Variants in UBD observed in about 807,000 individuals in gnomAD.
The protein encoded by UBD is ubiquitin like modifier D.
A neutral mutation model predicts 2.3 loss-of-function variants in UBD; 1 was observed. The ratio of observed to expected loss-of-function variants is 0.43; its 90% CI spans 0.15 to 2.06. The LOEUF (loss-of-function observed/expected upper bound fraction) is 2.06. Among genes scored for constraint, UBD ranks in the 30% most tolerant of loss-of-function variants. UBD has a pLI of 0.29. For synonymous variants in UBD, 75 were observed against 76.5 expected, an observed-to-expected ratio of 0.98 and a Z score of 0.10; for missense variants, 175 against 199.3, an observed-to-expected ratio of 0.88 and a Z score of 0.73.
At chr6:29,557,816 T>C (rs1344552833) in intron 1 of UBD, 1 of 152,178 alleles carries the variant, frequency 6.6e-6, no homozygotes, top group Non-Finnish European at 1.5e-5. Flanking sequence ...TTACATTTCG[T>C]TTTTCTGTGC....
At chr6:29,556,604 C>T (rs1184099027) in intron 1 of UBD, 1 of 506,292 alleles carries the variant, frequency 2.0e-6, no homozygotes. Context: ...AAATCCTGAG[C>T]CCCCAACCAA....
chr6:29,559,292 G>A (rs1326771588), intron 1 of UBD, among the ~76,000 whole-genome samples: 1 of 152,146 alleles, frequency 6.6e-6, no homozygotes, highest in Non-Finnish European at 1.5e-5. Context: ...AACAACTTCA[G>A]ATGAATGAGT....
At position 29,555,816 on chromosome 6, in the gene UBD, G is replaced by A. The variant is rs186299606; in HGVS notation, c.*64C>T. The stretch of plus-strand genomic sequence containing the variant: ...TGGGAAATCATCAGAAGATGTGTTC[G>A]TTGAGTAAGAGATTAAAAGAAATAA... On this transcript the variant is annotated 3_prime_UTR_variant, in exon 2 of 2. Coordinates refer to ENST00000377050, the MANE Select transcript of UBD (RefSeq NM_006398.4). 9.0e-5 allele frequency: 118 copies of A among 1,318,430 alleles called. No homozygotes were observed. The highest frequency in any genetic ancestry group is 4.1e-4 in the Admixed American group (22 of 53,446). The allele number at this position is 1,318,430 out of a possible 1,614,324, so 81.7% of individuals were successfully genotyped here.
intron 1 of UBD, 87 bp downstream of exon 1, chr6:29,559,588 A>G (rs2127312025): frequency 6.8e-7 from 1 of 1,463,574 alleles, no homozygotes; most frequent in Non-Finnish European, 9.5e-7. Context: ...AGCCCTGAGT[A>G]CTGCCCAGCC....
intron 1 of UBD, among the ~76,000 whole-genome samples, chr6:29,558,874 G>C (rs1762659992): frequency 6.6e-6 from 1 of 152,218 alleles, no homozygotes; most frequent in Admixed American, 6.5e-5. Flanking sequence ...ATGAGGCCAA[G>C]AACCCCAGGT....
chr6:29,557,350 CT>C (rs1306363763), intron 1 of UBD: 13 of 152,192 alleles, frequency 8.5e-5, no homozygotes, highest in Non-Finnish European at 1.3e-4. Flanking sequence ...GGACAAAAGA[CT>C]GATTTCAGTA....
chr6:29,556,158 T>A lies in UBD; in HGVS notation c.220A>T (p.Ile74Phe), dbSNP rs1355562896. 2 of 1,612,990 alleles carry A rather than the reference T, an allele frequency of 1.2e-6. No homozygotes were observed. Among genetic ancestry groups the A allele is most frequent in the African/African-American group, 2.7e-5 (2 of 74,940 alleles). Residue 74 changes from isoleucine to phenylalanine, a missense_variant, in exon 2 of 2, where the codon ATC (isoleucine) becomes TTC (phenylalanine). By Grantham distance (21) the Ile-to-Phe change is conservative (BLOSUM62 0). Transcript: ENST00000377050. ...SSYGIDKEKT[I>F]HLTLKVVKPS... ...TTCACCACTTTCAGGGTAAGGTGGA[T>A]GGTCTTCTCTTTGTCAATGCCATAA...
intron 1 of UBD, among the ~76,000 whole-genome samples, chr6:29,559,074 C>A (rs1228809067): frequency 6.6e-6 from 1 of 152,196 alleles, no homozygotes; most frequent in Non-Finnish European, 1.5e-5. Context: ...ACTTCAATAG[C>A]TGGAAAATCC....
chr6:29,556,052 G>A lies in UBD; in HGVS notation c.326C>T (p.Ser109Phe). Reference protein sequence around the residue: ...AKRHLLQVRRSSSVAQVKAMI... With the variant: ...AKRHLLQVRRFSSVAQVKAMI... ...TGCTTTCACTTGTGCCACTGAGCTG[G>A]ACCTTCGCACCTGGAGGAGGTGCCT... Residue 109 changes from serine to phenylalanine, a missense_variant, in exon 2 of 2, where the codon TCC becomes TTC. Coordinates refer to ENST00000377050, the MANE Select transcript of UBD (RefSeq NM_006398.4). 6.2e-7 allele frequency: 1 copy of A among 1,613,122 alleles called. No individual in the cohort carries two copies. The highest frequency in any genetic ancestry group is 8.5e-7 in the Non-Finnish European group (1 of 1,180,038).
chr6:29,558,758 G>A (rs781057398), intron 1 of UBD, among the ~76,000 whole-genome samples: 1 of 152,140 alleles, frequency 6.6e-6, no homozygotes, highest in African/African-American at 2.4e-5. Context: ...CTTCCTAATC[G>A]AGCTGAACAC....
At chr6:29,557,470 C>T (rs903645881) in intron 1 of UBD, 1 of 152,208 alleles carries the variant, frequency 6.6e-6, no homozygotes, top group Non-Finnish European at 1.5e-5. Flanking sequence ...ATGTATAAGG[C>T]CTAACTGTAA....
rs1416636044 is a variant in UBD at position 29,556,354 on chromosome 6, G to T, written c.28-4C>A. Reference sequence around the variant, plus strand: ...ATTCCTCGGAACGGACATGCACCTGGGAAGTGAAAGCCACAAGACAGTTAC... The same window carrying T: ...ATTCCTCGGAACGGACATGCACCTGTGAAGTGAAAGCCACAAGACAGTTAC... On this transcript the variant is annotated splice_region_variant and splice_polypyrimidine_tract_variant and intron_variant, in intron 1 of 1. Coordinates refer to ENST00000377050, the MANE Select transcript of UBD (RefSeq NM_006398.4). 1 of 1,606,520 alleles carries T rather than the reference G, an allele frequency of 6.2e-7. No homozygotes were observed. The highest frequency in any genetic ancestry group is 1.3e-5 in the African/African-American group (1 of 74,614).
intron 1 of UBD, among the ~76,000 whole-genome samples, chr6:29,558,936 G>A (rs1304491620): frequency 1.3e-5 from 2 of 152,202 alleles, no homozygotes; most frequent in East Asian, 1.9e-4. Flanking sequence ...GGCCATTTTG[G>A]AAGCAGCCCA....
chr6:29,558,894 C>T (rs1483170208), intron 1 of UBD, among the ~76,000 whole-genome samples: 4 of 152,320 alleles, frequency 2.6e-5, no homozygotes, highest in Non-Finnish European at 4.4e-5. Flanking sequence ...TCAGAGAACA[C>T]GAGGCTTGCC....
chr6:29,558,197 T>C (rs753814307), intron 1 of UBD, among the ~76,000 whole-genome samples: 1 of 152,188 alleles, frequency 6.6e-6, no homozygotes, highest in Non-Finnish European at 1.5e-5. Context: ...ATTTCTTGTG[T>C]TTTTATTTCT....
intron 1 of UBD, chr6:29,557,502 C>A (rs1762583353): frequency 6.6e-6 from 1 of 152,208 alleles, no homozygotes; most frequent in South Asian, 2.1e-4. Context: ...GTTAAGTCTC[C>A]ACTTCAGAGT....
In UBD at chr6:29,559,726, C is replaced by T. The variant is rs1358179762; in HGVS notation, c.-25G>A. 5 of 1,612,760 alleles carry T rather than the reference C, an allele frequency of 3.1e-6. No homozygotes were observed. Among genetic ancestry groups the T allele is most frequent in the East Asian group, 2.2e-5 (1 of 44,894 alleles). On this transcript the variant is annotated 5_prime_UTR_variant, in exon 1 of 2. Coordinates refer to ENST00000377050, the MANE Select transcript of UBD (RefSeq NM_006398.4). The stretch of plus-strand genomic sequence containing the variant: ...TCTCTGCAGACAAGGGGCCAGAAAC[C>T]AGAGACAGAAAAAGGACTTTGCATG...
intron 1 of UBD, 119 bp downstream of exon 1, chr6:29,559,556 G>A (rs994485954): frequency 5.1e-6 from 5 of 976,978 alleles, no homozygotes; most frequent in Non-Finnish European, 7.8e-6. Context: ...TTCTCCTGAA[G>A]GATGCCTGCC....
rs1313780042 is a variant in UBD, at chr6:29,558,610, G to A, written c.27+1065C>T. The stretch of plus-strand genomic sequence containing the variant: ...CCATCCACCACTGCCGTTTGCCACC[G>A]TCGCAGACCCGCGGCTGACTTCCAT... On this transcript the variant is annotated intron_variant, in intron 1 of 1. Coordinates refer to ENST00000377050, the MANE Select transcript of UBD (RefSeq NM_006398.4). Among the ~76,000 whole-genome samples, 77 of 152,166 alleles carry A rather than the reference G, an allele frequency of 5.1e-4. 1 individual carries two copies. Among genetic ancestry groups the A allele is most frequent in the Admixed American group, 4.7e-3 (72 of 15,268 alleles).
Sources: allele counts gnomAD v4.1 joint callset (sites outside exome capture counted in the v4.1 genomes callset), GRCh38; gene constraint gnomAD v4.1.1; transcripts MANE v1.5; gene names NCBI Gene and HGNC (gene_info 2026-07-23, HGNC 2026-07-21).